Variants in TTLL4 observed in about 807,000 individuals in gnomAD.
The protein encoded by TTLL4 is tubulin monoglutamylase TTLL4.
TTLL4 carries 85 observed loss-of-function variants against 122.7 expected under a neutral mutation model. The ratio of observed to expected loss-of-function variants is 0.69; its 90% CI spans 0.58 to 0.83. The LOEUF (loss-of-function observed/expected upper bound fraction) is 0.83, where lower values mean the gene tolerates loss of function less well. Ranked by LOEUF, TTLL4 falls within the 40% of genes least tolerant of loss-of-function variation. TTLL4 has a pLI of 0.00. For missense variants in TTLL4, 1,363 were observed against 1,488.6 expected (o/e 0.92, Z 1.39); for synonymous variants, 553 against 563.0 (o/e 0.98, Z 0.25).
At chr2:218,729,763 CAA>C (rs1303308653) in intron 2 of TTLL4, among the ~76,000 whole-genome samples, 1 of 129,810 alleles carries the variant, frequency 7.7e-6, no homozygotes. Context: ...AAAAAAAAAA[CAA>C]AAAAAAAAAA....
Position 218,738,426 on chromosome 2 carries a change from C to G in TTLL4, c.750C>G (p.Val250=). ...KPVSPPKIQP[V]SWHHSGGTGD... is the part of the protein sequence containing the mutation. ...TATCGCCACCCAAGATCCAGCCTGT[C>G]TCCTGGCATCATTCAGGGGGTACTG... The change falls in exon 3 of 20, where the codon GTC becomes GTG. Residue 250 remains valine (V), a synonymous_variant. Transcript: ENST00000392102. 6.2e-7 allele frequency: 1 copy of G among 1,614,208 alleles called. No individual in the cohort carries two copies. Among genetic ancestry groups the G allele is most frequent in the Non-Finnish European group, 8.5e-7 (1 of 1,180,036 alleles).
intron 5 of TTLL4, 60 bp from the exon 6 acceptor site, chr2:218,745,049 C>T (rs1316650053): frequency 8.2e-6 from 13 of 1,591,366 alleles, no homozygotes; most frequent in East Asian, 4.5e-5. Context: ...GTCGTAGTAA[C>T]GACGCTTCAG....
chr2:218,759,232 C>T (rs1019241206), downstream of TTLL4, among the ~76,000 whole-genome samples: 3 of 151,584 alleles, frequency 2.0e-5, no homozygotes, highest in African/African-American at 7.3e-5. Flanking sequence ...GCAACAGGAG[C>T]AACACTCCGT....
intron 15 of TTLL4, among the ~76,000 whole-genome samples, chr2:218,750,970 A>G (rs1942999824): frequency 6.6e-6 from 1 of 152,152 alleles, no homozygotes; most frequent in Admixed American, 6.6e-5. Context: ...AAAAAACCCT[A>G]TAACTTACCC....
At chr2:218,728,645 A>G (rs1942263586) in intron 2 of TTLL4, among the ~76,000 whole-genome samples, 1 of 152,190 alleles carries the variant, frequency 6.6e-6, no homozygotes, top group South Asian at 2.1e-4. Context: ...CCCAAATGGT[A>G]GAGGTCCCAA....
At chr2:218,726,844 G>T (rs935751985) in intron 1 of TTLL4, among the ~76,000 whole-genome samples, 1 of 144,518 alleles carries the variant, frequency 6.9e-6, no homozygotes, top group African/African-American at 2.6e-5. Context: ...TCAGTCTGTC[G>T]CCCAGGCTGG....
chr2:218,731,545 C>T (rs761771356), intron 2 of TTLL4, among the ~76,000 whole-genome samples: 13 of 152,164 alleles, frequency 8.5e-5, no homozygotes, highest in Non-Finnish European at 1.5e-4. Flanking sequence ...CTGCCTTCAT[C>T]ACAGCTTATG....
rs1358451918 is a variant in TTLL4, at chr2:218,719,902, G to A, written c.-177-7367G>A. Among the ~76,000 whole-genome samples, 4 of 152,250 alleles carry A rather than the reference G, an allele frequency of 2.6e-5. No homozygotes were observed. The East Asian group carries it at 7.7e-4, about 29-fold the overall frequency. ...CTTGGAGACACATGCTTCAGTCAGT[G>A]CTGTTGCAGTAAGTCCAGATCTAGG... On this transcript the variant is annotated intron_variant, in intron 1 of 19. Transcript: ENST00000392102.
chr2:218,720,309 A>G (rs964486895), intron 1 of TTLL4, among the ~76,000 whole-genome samples: 116 of 152,276 alleles, frequency 7.6e-4, no homozygotes, highest in African/African-American at 2.3e-3. Flanking sequence ...TGGCCTCAGG[A>G]GGAGGAAAGA....
chr2:218,724,680 A>G (rs1942137658), intron 1 of TTLL4, among the ~76,000 whole-genome samples: 1 of 152,010 alleles, frequency 6.6e-6, no homozygotes, highest in African/African-American at 2.4e-5. Flanking sequence ...GTCCATTTAC[A>G]TTCAGTGTTG....
rs1469395670 is a variant in TTLL4, at chr2:218,737,807, A to G, written c.131A>G (p.Gln44Arg). 1 of 1,614,258 alleles carries G rather than the reference A, an allele frequency of 6.2e-7. No homozygotes were observed. Among genetic ancestry groups the G allele is most frequent in the South Asian group, 1.1e-5 (1 of 91,086 alleles). Residue 44 changes from glutamine (Q) to arginine (R), a missense_variant, in exon 3 of 20, where the codon CAG (glutamine) becomes CGG (arginine). This residue lies in a region of TTLL4 where 760 missense variants were observed against 808.4 expected (regional missense o/e 0.94). Transcript: ENST00000392102. ...CCCTCGGAGGGCAGAGTCTGGCCTC[A>G]GGCCCATCAGCAAGTGAAGCCAATC... is the stretch of plus-strand genomic sequence containing the variant. ...EKPSEGRVWP[Q>R]AHQQVKPIWK...
At chr2:218,727,511 G>T (rs1276127416) in intron 2 of TTLL4, among the ~76,000 whole-genome samples, 164 bp downstream of exon 2, 2 of 152,146 alleles carry the variant, frequency 1.3e-5, no homozygotes, top group East Asian at 1.9e-4. Context: ...GCCAAGGGGG[G>T]TGGATCACAA....
chr2:218,744,608 A>G (rs1307815865), intron 5 of TTLL4, among the ~76,000 whole-genome samples: 1 of 152,194 alleles, frequency 6.6e-6, no homozygotes, highest in Non-Finnish European at 1.5e-5. Flanking sequence ...TAAATATAAA[A>G]TGAACTGGAA....
intron 6 of TTLL4, 199 bp downstream of exon 6, chr2:218,745,432 G>A (rs958354286): frequency 1.4e-6 from 1 of 692,064 alleles, no homozygotes; most frequent in Non-Finnish European, 2.4e-6. Flanking sequence ...ACCCTTTTCA[G>A]CCTTGCCATG....
chr2:218,747,751 C>T lies in TTLL4; in HGVS notation c.2378+26C>T. 6.2e-7 allele frequency: 1 copy of T among 1,613,614 alleles called. No homozygotes were observed. Among genetic ancestry groups the T allele is most frequent in the Non-Finnish European group, 8.5e-7 (1 of 1,179,696 alleles). On this transcript the variant is annotated intron_variant, in intron 11 of 19. Coordinates refer to ENST00000392102, the MANE Select transcript of TTLL4 (RefSeq NM_014640.5). This position sits in a 1 kb window ranked among gnomAD's most constrained non-coding sequence, Gnocchi z 4.7. ...GTATGTGACAGTGGTGAGGTATCCTCTGACAATATTGGGGATTTTATTTTC... is the reference window on the plus strand; with the variant it reads ...GTATGTGACAGTGGTGAGGTATCCTTTGACAATATTGGGGATTTTATTTTC...
rs1942592865 is a variant in TTLL4, at chr2:218,738,332, A to G, written c.656A>G (p.Asn219Ser). 6.2e-7 allele frequency: 1 copy of G among 1,614,032 alleles called. No homozygotes were observed. Among genetic ancestry groups the G allele is most frequent in the Non-Finnish European group, 8.5e-7 (1 of 1,180,034 alleles). ...LSSSYKPMLN[N>S]NSFMWPNSTP... is the part of the protein sequence containing the mutation. ...TCCTCCTATAAGCCCATGCTGAATA[A>G]TAATTCCTTCATGTGGCCAAATAGC... The change falls in exon 3 of 20, where the codon AAT (asparagine) becomes AGT (serine). Residue 219 changes from asparagine (N) to serine (S), a missense_variant. Transcript: ENST00000392102.
At chr2:218,725,006 C>G (rs1343036529) in intron 1 of TTLL4, among the ~76,000 whole-genome samples, 3 of 152,010 alleles carry the variant, frequency 2.0e-5, no homozygotes, top group Admixed American at 2.0e-4. Flanking sequence ...CTCAGGCGAT[C>G]CTTCTACTTC....
chr2:218,750,315 T>C (rs1942982590), intron 15 of TTLL4, among the ~76,000 whole-genome samples, 169 bp downstream of exon 15: 1 of 152,142 alleles, frequency 6.6e-6, no homozygotes, highest in South Asian at 2.1e-4. Flanking sequence ...GACTCTCAAG[T>C]ATGTTCAGTT....
chr2:218,748,666 A>G (rs1942918565), intron 12 of TTLL4, 170 bp from the exon 13 acceptor site: 1 of 565,342 alleles, frequency 1.8e-6, no homozygotes, highest in Non-Finnish European at 3.0e-6. Flanking sequence ...AAAAAAAAAA[A>G]AAAAAAAAAG....
Sources: allele counts gnomAD v4.1 joint callset (sites outside exome capture counted in the v4.1 genomes callset), GRCh38; gene constraint gnomAD v4.1.1; regional missense constraint gnomAD v4.1.1; non-coding constraint Gnocchi (gnomAD v3.1); transcripts MANE v1.5; gene names NCBI Gene and HGNC (gene_info 2026-07-23, HGNC 2026-07-21).